MAPRE2: variants seen among roughly 807,000 people sequenced by gnomAD.
MAPRE2 encodes the protein microtubule associated protein RP/EB family member 2, also known as microtubule-associated protein RP/EB family member 2.
Under a neutral mutation model 43.2 loss-of-function variants are expected in MAPRE2, and 13 were observed. The observed-to-expected ratio is 0.30, with a 90% CI of 0.20 to 0.48. The LOEUF (loss-of-function observed/expected upper bound fraction) is 0.48, where lower values mean the gene tolerates loss of function less well. Among genes scored for constraint, MAPRE2 ranks in the 20% least tolerant of loss-of-function variants. The pLI, the probability that MAPRE2 is intolerant of heterozygous loss-of-function variation, is 0.99. For missense variants in MAPRE2, 161 were observed against 400.2 expected, an observed-to-expected ratio of 0.40 and a Z score of 5.10; for synonymous variants, 135 against 148.8, an observed-to-expected ratio of 0.91 and a Z score of 0.68.
intron 4 of MAPRE2, among the ~76,000 whole-genome samples, chr18:35,120,028 C>CT (rs1296911603): frequency 6.6e-6 from 1 of 152,196 alleles, no homozygotes; most frequent in Non-Finnish European, 1.5e-5. Flanking sequence ...CCTCCCAACT[C>CT]TGAGAAGTTG....
At chr18:34,990,328 C>T (rs2097023132) in intron 1 of MAPRE2, among the ~76,000 whole-genome samples, 1 of 152,110 alleles carries the variant, frequency 6.6e-6, no homozygotes, top group Admixed American at 6.6e-5. Flanking sequence ...GGAGGGATGG[C>T]ATTTGAGGCT....
chr18:35,020,805 G>A (rs2097041500), intron 2 of MAPRE2, among the ~76,000 whole-genome samples: 1 of 152,028 alleles, frequency 6.6e-6, no homozygotes, highest in Non-Finnish European at 1.5e-5. Context: ...AAAACATGAA[G>A]CATTTGCTTT....
At position 34,990,098 on chromosome 18, in the gene MAPRE2, T is replaced by C. The variant is rs117553381; in HGVS notation, c.-70+13019T>C. On this transcript the variant is annotated intron_variant, in intron 1 of 7. Transcript: ENST00000413393. ...CTTTGGGAATTGTTTCATTTTCCAA[T>C]ACAATGATTTGTAGATGAAGAATTG... Among the ~76,000 whole-genome samples the C allele has an allele frequency of 7.3e-4, 111 of 152,330 alleles. No homozygotes were observed. The East Asian group carries it at 0.019, about 26-fold the overall frequency.
At chr18:35,131,807 G>A (rs369515423) in intron 5 of MAPRE2, 9 of 522,340 alleles carry the variant, frequency 1.7e-5, no homozygotes, top group Admixed American at 9.8e-5. Flanking sequence ...GTTAATAAAC[G>A]CTCAGTTGCC....
At chr18:35,092,387 G>A (rs889505178) in intron 2 of MAPRE2, among the ~76,000 whole-genome samples, 12 of 152,206 alleles carry the variant, frequency 7.9e-5, no homozygotes, top group African/African-American at 2.4e-4. Context: ...CATAAATGAT[G>A]CTAAGAAATC....
chr18:34,979,559 CT>C (rs1282535695), intron 1 of MAPRE2, among the ~76,000 whole-genome samples: 1 of 151,372 alleles, frequency 6.6e-6, no homozygotes, highest in Non-Finnish European at 1.5e-5. Context: ...CATCCTGTAA[CT>C]TTCTTGGTGG....
chr18:35,041,709 C>A (rs1002207571), intron 1 of MAPRE2, 48 bp downstream of exon 1: 1 of 1,613,172 alleles, frequency 6.2e-7, no homozygotes, highest in Non-Finnish European at 8.5e-7. Flanking sequence ...CGTGAGGGCG[C>A]GCGGAAATCC....
chr18:35,063,151 C>T (rs536435637), intron 1 of MAPRE2, among the ~76,000 whole-genome samples: 62 of 151,946 alleles, frequency 4.1e-4, no homozygotes, highest in African/African-American at 8.7e-4. Context: ...TCGCCCAGGC[C>T]GGAGTGCAGT....
intron 1 of MAPRE2, among the ~76,000 whole-genome samples, chr18:34,994,901 C>G (rs1041911026): frequency 1.3e-5 from 2 of 152,136 alleles, no homozygotes; most frequent in African/African-American, 2.4e-5. Context: ...TCCCAATGCT[C>G]TTTATACCAG....
intron 2 of MAPRE2, among the ~76,000 whole-genome samples, chr18:35,008,895 A>G (rs1027135589): frequency 6.6e-6 from 1 of 152,152 alleles, no homozygotes. Flanking sequence ...TAATTTATTC[A>G]ATAGTATTTA....
At chr18:35,114,026 C>T (rs1219928927) in intron 4 of MAPRE2, among the ~76,000 whole-genome samples, 3 of 152,188 alleles carry the variant, frequency 2.0e-5, no homozygotes, top group Non-Finnish European at 2.9e-5. Flanking sequence ...TTATTACCCT[C>T]CACTTTAAAG....
intron 4 of MAPRE2, among the ~76,000 whole-genome samples, chr18:35,105,653 C>T (rs1028886419): frequency 1.3e-5 from 2 of 151,908 alleles, no homozygotes; most frequent in African/African-American, 4.8e-5. Flanking sequence ...TGTGTTTGCT[C>T]TTTCTTAATT....
chr18:34,982,628 T>A (rs1038295914), intron 1 of MAPRE2, among the ~76,000 whole-genome samples: 2 of 152,240 alleles, frequency 1.3e-5, no homozygotes, highest in Non-Finnish European at 2.9e-5. Context: ...TTGAGAAGTA[T>A]CCAAAATTAT....
intron 1 of MAPRE2, among the ~76,000 whole-genome samples, chr18:35,050,967 C>T (rs773251066): frequency 6.6e-6 from 1 of 152,158 alleles, no homozygotes. Flanking sequence ...GTATAGGGAC[C>T]TGCTCACTGT....
intron 2 of MAPRE2, among the ~76,000 whole-genome samples, chr18:35,027,976 A>C (rs2097046142): frequency 6.6e-6 from 1 of 152,140 alleles, no homozygotes; most frequent in Non-Finnish European, 1.5e-5. Flanking sequence ...CTTCCCCCAG[A>C]GTAGCTAGAC....
At chr18:35,069,854 T>C (rs895095148) in intron 1 of MAPRE2, among the ~76,000 whole-genome samples, 1 of 151,730 alleles carries the variant, frequency 6.6e-6, no homozygotes, top group Admixed American at 6.5e-5. Flanking sequence ...ACTAACAGAT[T>C]ACTCTGGTGT....
intron 4 of MAPRE2, among the ~76,000 whole-genome samples, chr18:35,110,311 AC>A (rs1242332620): frequency 6.6e-6 from 1 of 152,176 alleles, no homozygotes; most frequent in African/African-American, 2.4e-5. Context: ...AGAATGTAAA[AC>A]ATCTAATAAT....
At chr18:35,042,303 T>C (rs1031770884) in intron 1 of MAPRE2, among the ~76,000 whole-genome samples, 1 of 152,308 alleles carries the variant, frequency 6.6e-6, no homozygotes, top group South Asian at 2.1e-4. Flanking sequence ...GGCGCTGTTA[T>C]GCATTTTCTA....
At chr18:34,983,199 C>T (rs1267189195) in intron 1 of MAPRE2, among the ~76,000 whole-genome samples, 1 of 152,138 alleles carries the variant, frequency 6.6e-6, no homozygotes, top group East Asian at 1.9e-4. Flanking sequence ...AATGTAGTTA[C>T]CAACCATAGG....
Sources: gnomAD v4.1 joint callset for allele counts (sites outside exome capture counted in the v4.1 genomes callset) on GRCh38, gnomAD v4.1.1 for gene constraint, MANE v1.5 for transcripts, NCBI Gene and HGNC (gene_info 2026-07-23, HGNC 2026-07-21) for gene names.